The following CNTNAP2 variants were observed in gnomAD, a reference collection of about 807,000 sequenced individuals.
CNTNAP2 encodes the protein contactin associated protein 2.
CNTNAP2 carries 98 observed loss-of-function variants against 155.2 expected under a neutral mutation model. The observed-to-expected ratio is 0.63, with a 90% confidence interval of 0.54 to 0.75. The LOEUF (loss-of-function observed/expected upper bound fraction) is 0.75, where lower values mean the gene tolerates loss of function less well. CNTNAP2 is among the 30% of genes least tolerant of loss of function. The probability of loss-of-function intolerance (pLI) is 0.00; values close to 1 mark genes in which losing one functional copy is unlikely to be tolerated. For missense variants in CNTNAP2, 1,727 were observed against 1,688.1 expected, an observed-to-expected ratio of 1.02 and a Z score of -0.40; for synonymous variants, 651 against 631.2, an observed-to-expected ratio of 1.03 and a Z score of -0.47.
At chr7:148,345,095 C>A (rs968007429) in intron 21 of CNTNAP2, among the ~76,000 whole-genome samples, 2 of 152,110 alleles carry the variant, frequency 1.3e-5, no homozygotes, top group Non-Finnish European at 2.9e-5. Flanking sequence ...GAGGGTCACT[C>A]AGAACAGCAG....
chr7:147,295,831 GGAAAT>G (rs1251382271), intron 8 of CNTNAP2, among the ~76,000 whole-genome samples: 5 of 152,092 alleles, frequency 3.3e-5, no homozygotes, highest in South Asian at 2.1e-4. Flanking sequence ...AATAATAATT[GGAAAT>G]GAAATGAATA....
chr7:147,367,758 C>T (rs1796259668), intron 9 of CNTNAP2, among the ~76,000 whole-genome samples: 1 of 152,044 alleles, frequency 6.6e-6, no homozygotes, highest in African/African-American at 2.4e-5. Context: ...GGTGGGCAAA[C>T]ACTGGTTAAA....
In CNTNAP2 at chr7:148,417,857, C is replaced by T. The variant is rs2116735361; in HGVS notation, c.*2241C>T. ...AGAGAATTAAAGCCACCCAAAACAG[C>T]TTCTGCTACTAAAATGTTCTCATCC... On this transcript the variant is annotated 3_prime_UTR_variant, in exon 24 of 24. Transcript: ENST00000361727. 6.6e-6 allele frequency: 1 copy of T among 152,324 alleles called. No homozygotes were observed. Among genetic ancestry groups the T allele is most frequent in the South Asian group, 2.1e-4 (1 of 4,824 alleles). The allele number at this position is 152,324 out of a possible 1,614,324, so 9.4% of individuals were successfully genotyped here.
At chr7:147,352,110 C>T (rs1795976748) in intron 9 of CNTNAP2, among the ~76,000 whole-genome samples, 1 of 151,870 alleles carries the variant, frequency 6.6e-6, no homozygotes, top group Admixed American at 6.6e-5. Flanking sequence ...TGTATTTCAT[C>T]CTCAGATTCC....
intron 1 of CNTNAP2, among the ~76,000 whole-genome samples, chr7:146,702,075 C>T (rs1217380849): frequency 6.6e-6 from 1 of 152,206 alleles, no homozygotes; most frequent in South Asian, 2.1e-4. Flanking sequence ...TTTTCTTCAT[C>T]ATTGTGAGAA....
At chr7:146,237,871 A>G (rs1799499482) in intron 1 of CNTNAP2, among the ~76,000 whole-genome samples, 1 of 152,256 alleles carries the variant, frequency 6.6e-6, no homozygotes, top group South Asian at 2.1e-4. Context: ...TTACTTGAGC[A>G]TAAAAGTGTT....
At chr7:147,601,706 A>C (rs922528236) in intron 12 of CNTNAP2, among the ~76,000 whole-genome samples, 1 of 149,132 alleles carries the variant, frequency 6.7e-6, no homozygotes, top group African/African-American at 2.4e-5. Context: ...TCTAGAAACA[A>C]TTAATACAAA....
chr7:148,133,365 G>A (rs1040681040), intron 16 of CNTNAP2, among the ~76,000 whole-genome samples: 1 of 152,148 alleles, frequency 6.6e-6, no homozygotes, highest in East Asian at 1.9e-4. Context: ...AGGAGGCTGA[G>A]GCAGGAGAAT....
intron 14 of CNTNAP2, among the ~76,000 whole-genome samples, chr7:147,966,807 A>G (rs747305739): frequency 6.6e-6 from 1 of 152,116 alleles, no homozygotes; most frequent in African/African-American, 2.4e-5. Flanking sequence ...GCCATGAGCA[A>G]CCTTTAAAGG....
chr7:147,189,264 A>T (rs1182596181), intron 8 of CNTNAP2, among the ~76,000 whole-genome samples: 1 of 152,212 alleles, frequency 6.6e-6, no homozygotes, highest in Non-Finnish European at 1.5e-5. Flanking sequence ...AATGCAAATA[A>T]TCATCTTACA....
intron 17 of CNTNAP2, among the ~76,000 whole-genome samples, chr7:148,160,197 G>A (rs553480245): frequency 2.0e-5 from 3 of 151,592 alleles, no homozygotes; most frequent in East Asian, 3.9e-4. Context: ...CCGTAATTGT[G>A]TCACTGCATT....
chr7:147,232,101 T>G (rs375387383), intron 8 of CNTNAP2, among the ~76,000 whole-genome samples: 2 of 152,108 alleles, frequency 1.3e-5, no homozygotes, highest in African/African-American at 4.8e-5. Context: ...AACAAGAGAC[T>G]TAGGAATACA....
chr7:148,397,713 G>A (rs1019730578), intron 22 of CNTNAP2, among the ~76,000 whole-genome samples: 6 of 152,206 alleles, frequency 3.9e-5, no homozygotes, highest in Non-Finnish European at 7.3e-5. Flanking sequence ...AGAGCCACAC[G>A]GCTCATGCCA....
chr7:147,500,442 C>T (rs558659741), intron 11 of CNTNAP2, among the ~76,000 whole-genome samples: 24 of 151,982 alleles, frequency 1.6e-4, no homozygotes, highest in African/African-American at 5.5e-4. Context: ...TCATATAAGT[C>T]CCTTTATGTC....
At chr7:146,924,785 G>A (rs1360841455) in intron 3 of CNTNAP2, among the ~76,000 whole-genome samples, 2 of 151,790 alleles carry the variant, frequency 1.3e-5, no homozygotes, top group Non-Finnish European at 2.9e-5. Flanking sequence ...TTGTTCATTT[G>A]TTTTTGTTTT....
intron 13 of CNTNAP2, among the ~76,000 whole-genome samples, chr7:147,644,737 C>A (rs574393346): frequency 1.6e-4 from 24 of 152,226 alleles, no homozygotes; most frequent in African/African-American, 5.5e-4. Flanking sequence ...TTTAGATAAC[C>A]AAAATGTTTC....
intron 1 of CNTNAP2, among the ~76,000 whole-genome samples, chr7:146,292,561 A>G (rs138401044): frequency 0.013 from 2,023 of 152,224 alleles, 12 homozygotes; most frequent in Non-Finnish European, 0.02. Context: ...GTAATAGCAA[A>G]CAATATGGAG....
At chr7:147,521,392 T>C (rs552097882) in intron 11 of CNTNAP2, among the ~76,000 whole-genome samples, 30 of 152,324 alleles carry the variant, frequency 2.0e-4, no homozygotes, top group African/African-American at 6.7e-4. Flanking sequence ...GCCATCAAAA[T>C]GTCTGCTTTA....
chr7:147,034,705 G>T (rs112913754), intron 3 of CNTNAP2, among the ~76,000 whole-genome samples: 9 of 152,242 alleles, frequency 5.9e-5, no homozygotes, highest in African/African-American at 1.9e-4. Context: ...GAGGTCAGAA[G>T]GGGGATGGAG....
Sources: gnomAD v4.1 joint callset for allele counts (sites outside exome capture counted in the v4.1 genomes callset) on GRCh38, gnomAD v4.1.1 for gene constraint, MANE v1.5 for transcripts, NCBI Gene and HGNC (gene_info 2026-07-23, HGNC 2026-07-21) for gene names.